Variants in TF observed in about 807,000 individuals in gnomAD.
The protein encoded by TF is serotransferrin.
Under a neutral mutation model 82.4 loss-of-function variants are expected in TF, and 55 were observed. The ratio of observed to expected loss-of-function variants is 0.67; its 90% confidence interval spans 0.54 to 0.84. The LOEUF is 0.84. Ranked by LOEUF, TF falls within the 40% of genes least tolerant of loss-of-function variation. The probability of loss-of-function intolerance (pLI) is 0.00; values close to 1 mark genes in which losing one functional copy is unlikely to be tolerated. For missense variants in TF, 737 were observed against 868.4 expected (o/e 0.85, Z 1.90); for synonymous variants, 332 against 332.6 (o/e 1.00, Z 0.02).
the TF span, among the ~76,000 whole-genome samples, chr3:133,736,901 G>A: frequency 9.2e-5 from 14 of 151,988 alleles, no homozygotes; most frequent in African/African-American, 2.7e-4. Flanking sequence ...TCAATATAAG[G>A]CAGATTAATG....
chr3:133,740,910 G>GT, the TF span, among the ~76,000 whole-genome samples: 2,222 of 54,144 alleles, frequency 0.041, 97 homozygotes, highest in African/African-American at 0.13. Flanking sequence ...CATTTTTCAT[G>GT]TTTTTTTTTT....
chr3:133,756,420 T>C, intron 6 of TF, 83 bp downstream of exon 6: 1 of 1,411,014 alleles, frequency 7.1e-7, no homozygotes, highest in Non-Finnish European at 9.9e-7. Flanking sequence ...TGCTCAGTAA[T>C]TGGAAATGAG....
chr3:133,786,438 G>A lies in TF; in HGVS notation c.*7818G>A, dbSNP rs1934688621. 1 of 152,096 alleles carries A rather than the reference G, an allele frequency of 6.6e-6. No homozygotes were observed. Among genetic ancestry groups the A allele is most frequent in the South Asian group, 2.1e-4 (1 of 4,822 alleles). 9.4% of individuals were successfully genotyped at this position (152,096 alleles called of 1,614,324 possible). ...GTGCACTGGTTCAGGGGAGGAGAGA[G>A]GAAAGGAAGTGTAAGAGCTCTATGC... On this transcript the variant is annotated 3_prime_UTR_variant, in exon 17 of 17. Coordinates refer to ENST00000402696, the MANE Select transcript of TF (RefSeq NM_001063.4).
At chr3:133,666,275 C>T in the TF span, among the ~76,000 whole-genome samples, 8 of 152,030 alleles carry the variant, frequency 5.3e-5, no homozygotes, top group Non-Finnish European at 1.0e-4. Context: ...TGGGTTCAAG[C>T]GATTCTTCTG....
rs1277843891 is a variant in TF, at chr3:133,766,357, T to C, written c.1410T>C (p.His470=). The C allele has an allele frequency of 1.2e-6, 2 of 1,614,082 alleles. No homozygotes were observed. The highest frequency in any genetic ancestry group is 1.7e-5 in the Admixed American group (1 of 60,008). The stretch of plus-strand genomic sequence containing the variant: ...ATCTGAAAGGCAAGAAGTCCTGCCA[T>C]ACGGCAGTTGGCAGAACCGCTGGCT... ...WDNLKGKKSC[H]TAVGRTAGWN... The change falls in exon 12 of 17, where the codon CAT becomes CAC. Residue 470 remains histidine (H), a synonymous_variant. Transcript: ENST00000402696.
At chr3:133,695,030 C>T in the TF span, among the ~76,000 whole-genome samples, 15 of 152,116 alleles carry the variant, frequency 9.9e-5, no homozygotes, top group South Asian at 4.1e-4. Context: ...GCCTGGGCTT[C>T]GCTGTGGGGT....
At chr3:133,755,242 G>C in intron 4 of TF, 121 bp from the exon 5 acceptor site, 1 of 1,279,642 alleles carries the variant, frequency 7.8e-7, no homozygotes, top group Non-Finnish European at 1.1e-6. Context: ...GGCAAGCTGG[G>C]GCTGCATGTG....
At chr3:133,777,285 T>C (rs1413404580) in intron 16 of TF, 47 bp downstream of exon 16, 2 of 1,590,306 alleles carry the variant, frequency 1.3e-6, no homozygotes, top group South Asian at 1.1e-5. Flanking sequence ...AACATGGTGG[T>C]GAGTGCTGGG....
the TF span, among the ~76,000 whole-genome samples, chr3:133,667,481 C>A: frequency 6.6e-6 from 1 of 152,012 alleles, no homozygotes; most frequent in Non-Finnish European, 1.5e-5. Flanking sequence ...CCATTACAAC[C>A]CGACCATGTG....
chr3:133,705,134 G>C, the TF span, among the ~76,000 whole-genome samples: 5 of 152,158 alleles, frequency 3.3e-5, no homozygotes, highest in Admixed American at 3.3e-4. Context: ...AATTAGCAGG[G>C]CATGGCAGCA....
At chr3:133,665,278 G>A in the TF span, among the ~76,000 whole-genome samples, 2 of 152,046 alleles carry the variant, frequency 1.3e-5, no homozygotes, top group East Asian at 1.9e-4. Flanking sequence ...ACCAACCTGG[G>A]CAACATGGTG....
Position 133,794,688 on chromosome 3 carries a change from T to G in TF, c.*16068T>G, listed in dbSNP as rs1243347232. On this transcript the variant is annotated 3_prime_UTR_variant, in exon 17 of 17. Transcript: ENST00000402696. ...AACTGAGAAGAGTCCCTCCACACTC[T>G]TGGAACTGTACACCCATTGGAACCC... The G allele has an allele frequency of 6.6e-6, 1 of 152,196 alleles. No individual in the cohort carries two copies. Among genetic ancestry groups the G allele is most frequent in the East Asian group, 1.9e-4 (1 of 5,194 alleles). 9.4% of individuals were successfully genotyped at this position (152,196 alleles called of 1,614,324 possible). A position where few individuals can be genotyped will look rare whatever the true frequency, so the allele number is the denominator to read the frequency against.
At chr3:133,738,123 T>TGG in the TF span, among the ~76,000 whole-genome samples, 1 of 152,214 alleles carries the variant, frequency 6.6e-6, no homozygotes, top group Non-Finnish European at 1.5e-5. Context: ...CACGATCAAG[T>TGG]TGGCTTCATC....
the TF span, among the ~76,000 whole-genome samples, chr3:133,695,578 T>C: frequency 6.6e-6 from 1 of 152,194 alleles, no homozygotes; most frequent in Non-Finnish European, 1.5e-5. Context: ...GAAATTTAAT[T>C]TGTTATAAGA....
rs1934464730 is a variant in TF at position 133,779,130 on chromosome 3, A to C, written c.*510A>C. ...AGTACAGAAAGACTACAGAAGACTT[A>C]CCTTTATTTGGTATTTTAAATGAAT... On this transcript the variant is annotated 3_prime_UTR_variant, in exon 17 of 17. Transcript: ENST00000402696. 1 of 155,570 alleles carries C rather than the reference A, an allele frequency of 6.4e-6. No homozygotes were observed. Among genetic ancestry groups the C allele is most frequent in the South Asian group, 2.0e-4 (1 of 5,124 alleles). The allele number at this position is 155,570 out of a possible 1,614,324, so 9.6% of individuals were successfully genotyped here. A position where few individuals can be genotyped will look rare whatever the true frequency, so the allele number is the denominator to read the frequency against.
At chr3:133,700,565 G>A in the TF span, among the ~76,000 whole-genome samples, 3,721 of 152,298 alleles carry the variant, frequency 0.024, 153 homozygotes, top group African/African-American at 0.084. Context: ...TGCTTAGGGT[G>A]ATCAGATGGC....
the TF span, among the ~76,000 whole-genome samples, chr3:133,686,740 C>T: frequency 6.6e-6 from 1 of 152,200 alleles, no homozygotes; most frequent in Non-Finnish European, 1.5e-5. Context: ...AATGCTTTTA[C>T]ACTGTTGGTG....
intron 11 of TF, among the ~76,000 whole-genome samples, chr3:133,765,333 C>T (rs1187909667): frequency 6.6e-6 from 1 of 152,296 alleles, no homozygotes; most frequent in East Asian, 1.9e-4. Context: ...CAATAGAGAG[C>T]CTCACACAGG....
the TF span, chr3:133,702,172 C>G: frequency 6.6e-6 from 1 of 152,578 alleles, no homozygotes. Context: ...TCCCAAATGC[C>G]TCTTCCTCAG....
Sources: gnomAD v4.1 joint callset for allele counts (sites outside exome capture counted in the v4.1 genomes callset) on GRCh38, gnomAD v4.1.1 for gene constraint, MANE v1.5 for transcripts, NCBI Gene and HGNC (gene_info 2026-07-23, HGNC 2026-07-21) for gene names.